Variants in REEP3 observed in about 807,000 individuals in gnomAD.
REEP3 encodes the protein receptor accessory protein 3.
A neutral mutation model predicts 41.3 loss-of-function variants in REEP3; 20 were observed. That is an observed-to-expected ratio of 0.48 (90% confidence interval 0.34 to 0.70). The LOEUF is 0.70. Among genes scored for constraint, REEP3 ranks in the 30% least tolerant of loss-of-function variants. REEP3 has a pLI of 0.01. For synonymous variants in REEP3, 104 were observed against 101.8 expected (o/e 1.02, Z -0.13); for missense variants, 271 against 308.8 (o/e 0.88, Z 0.92).
chr10:63,582,921 A>T (rs1955968269), intron 2 of REEP3, among the ~76,000 whole-genome samples: 1 of 152,128 alleles, frequency 6.6e-6, no homozygotes, highest in African/African-American at 2.4e-5. Context: ...ATGCCTTTGA[A>T]GAGAAGTAAT....
intron 5 of REEP3, among the ~76,000 whole-genome samples, chr10:63,604,634 C>T (rs1486247634): frequency 6.6e-6 from 1 of 151,848 alleles, no homozygotes. Flanking sequence ...GGATATACAG[C>T]TTAGTATTAT....
chr10:63,533,864 T>A (rs559028247), intron 1 of REEP3, among the ~76,000 whole-genome samples: 1 of 151,858 alleles, frequency 6.6e-6, no homozygotes, highest in South Asian at 2.1e-4. Context: ...CCCACCACCA[T>A]GCCAGCTAAT....
chr10:63,561,584 C>A (rs1363664598), intron 1 of REEP3, among the ~76,000 whole-genome samples: 2 of 152,184 alleles, frequency 1.3e-5, no homozygotes, highest in Non-Finnish European at 2.9e-5. Flanking sequence ...GTGAAGAGGC[C>A]CGCTAGTGAA....
Position 63,598,770 on chromosome 10 carries a change from C to T in REEP3, c.304-400C>T, listed in dbSNP as rs538477990. 3.4e-3 allele frequency among the ~76,000 whole-genome samples: 452 copies of T among 132,432 alleles called. 2 individuals are homozygous for T. Among genetic ancestry groups the T allele is most frequent in the African/African-American group, 0.013 (438 of 35,004 alleles). The allele number at this position is 132,432 out of a possible 152,430, so 86.9% of individuals were successfully genotyped here. ...CTGCACTCCAGCCTGGACAAGAGAG[C>T]GAGACTCCATCTCAAAAAAAAAAAA... On this transcript the variant is annotated intron_variant, in intron 4 of 7. Transcript: ENST00000373758.
At chr10:63,588,100 C>A (rs1219918203) in intron 2 of REEP3, among the ~76,000 whole-genome samples, 1 of 152,156 alleles carries the variant, frequency 6.6e-6, no homozygotes, top group Non-Finnish European at 1.5e-5. Context: ...ATCCACTCAC[C>A]TTCCCACTCA....
intron 1 of REEP3, among the ~76,000 whole-genome samples, chr10:63,549,737 TA>T (rs1955610841): frequency 1.3e-5 from 2 of 152,288 alleles, no homozygotes; most frequent in Admixed American, 1.3e-4. Context: ...AACAGTTAAG[TA>T]AATGTTTCTC....
At chr10:63,552,910 G>C (rs1394235773) in intron 1 of REEP3, among the ~76,000 whole-genome samples, 1 of 152,198 alleles carries the variant, frequency 6.6e-6, no homozygotes, top group Admixed American at 6.5e-5. Flanking sequence ...GGTTGTCCCA[G>C]ATAGAAATAA....
rs186962553 is a variant in REEP3 at position 63,581,407 on chromosome 10, T to C, written c.106-13371T>C. Among the ~76,000 whole-genome samples, 17 of 152,302 alleles carry C rather than the reference T, an allele frequency of 1.1e-4. No individual in the cohort carries two copies. In the East Asian group the frequency reaches 3.3e-3, roughly 29 times the overall value. ...TTTTTTTGAAAAACTATAAAAAAATTAAAATGCATTGAAATGTATTATACA... is the reference window on the plus strand; with the variant it reads ...TTTTTTTGAAAAACTATAAAAAAATCAAAATGCATTGAAATGTATTATACA... On this transcript the variant is annotated intron_variant, in intron 2 of 7. Coordinates refer to ENST00000373758, the MANE Select transcript of REEP3 (RefSeq NM_001001330.3).
intron 5 of REEP3, among the ~76,000 whole-genome samples, chr10:63,603,586 C>G (rs923260778): frequency 3.9e-5 from 6 of 152,116 alleles, no homozygotes; most frequent in African/African-American, 1.4e-4. Flanking sequence ...GTCACTCCTG[C>G]AAAACAAGTA....
intron 1 of REEP3, among the ~76,000 whole-genome samples, chr10:63,533,692 C>G (rs1955446398): frequency 7.7e-6 from 1 of 129,528 alleles, no homozygotes; most frequent in Non-Finnish European, 1.8e-5. Flanking sequence ...CATGAAAGAG[C>G]CTTGGAAGTA....
chr10:63,567,098 A>G (rs1955805965), intron 2 of REEP3, among the ~76,000 whole-genome samples: 1 of 152,136 alleles, frequency 6.6e-6, no homozygotes, highest in Non-Finnish European at 1.5e-5. Context: ...GATGGAGTGA[A>G]TTTTTAGAGA....
At chr10:63,595,548 T>C (rs2133406425) in intron 3 of REEP3, among the ~76,000 whole-genome samples, 1 of 152,266 alleles carries the variant, frequency 6.6e-6, no homozygotes, top group Non-Finnish European at 1.5e-5. Flanking sequence ...AAACCTTCTG[T>C]CTAAATTAGC....
At chr10:63,613,565 C>A (rs1956291487) in intron 6 of REEP3, among the ~76,000 whole-genome samples, 1 of 152,176 alleles carries the variant, frequency 6.6e-6, no homozygotes, top group Non-Finnish European at 1.5e-5. Context: ...TCAAAACTTT[C>A]TCTCTTGACC....
At chr10:63,577,807 T>C (rs112967387) in intron 2 of REEP3, among the ~76,000 whole-genome samples, 52 of 152,192 alleles carry the variant, frequency 3.4e-4, no homozygotes, top group African/African-American at 1.1e-3. Context: ...GTTAAGTTGC[T>C]TCTCAGTTTT....
At chr10:63,522,611 G>C (rs887149649) in intron 1 of REEP3, among the ~76,000 whole-genome samples, 4 of 152,150 alleles carry the variant, frequency 2.6e-5, no homozygotes, top group African/African-American at 4.8e-5. Context: ...GAGGGGGCAG[G>C]CTTCTCTGAT....
chr10:63,618,304 G>GC (rs11420078), intron 6 of REEP3, among the ~76,000 whole-genome samples: 2,530 of 137,328 alleles, frequency 0.018, 92 homozygotes, highest in African/African-American at 0.067. Flanking sequence ...GGAGTGCAGT[G>GC]GCGCGATCTC....
At chr10:63,531,056 T>G (rs1431446692) in intron 1 of REEP3, among the ~76,000 whole-genome samples, 2 of 152,214 alleles carry the variant, frequency 1.3e-5, no homozygotes, top group African/African-American at 4.8e-5. Context: ...TTTACCAGTT[T>G]CGTTCATGTT....
intron 5 of REEP3, 100 bp from the exon 6 acceptor site, chr10:63,610,079 ACAATTCTT>A (rs1956265980): frequency 2.1e-6 from 2 of 959,764 alleles, no homozygotes; most frequent in African/African-American, 1.7e-5. Flanking sequence ...TGTTCATTGT[ACAATTCTT>A]TCAGCTTTTC....
At chr10:63,547,414 T>C (rs567362055) in intron 1 of REEP3, among the ~76,000 whole-genome samples, 55 of 152,160 alleles carry the variant, frequency 3.6e-4, no homozygotes, top group African/African-American at 1.3e-3. Flanking sequence ...AAAAAATGGC[T>C]CATATTCAAA....
Sources: gnomAD v4.1 joint callset for allele counts (sites outside exome capture counted in the v4.1 genomes callset) on GRCh38, gnomAD v4.1.1 for gene constraint, MANE v1.5 for transcripts, NCBI Gene and HGNC (gene_info 2026-07-23, HGNC 2026-07-21) for gene names.